Variants in ADAMTS6 observed in about 807,000 individuals in gnomAD.
The protein encoded by ADAMTS6 is A disintegrin and metalloproteinase with thrombospondin motifs 6.
Under a neutral mutation model 144.3 loss-of-function variants are expected in ADAMTS6, and 23 were observed. The observed-to-expected ratio is 0.16, with a 90% confidence interval of 0.11 to 0.23. The LOEUF (loss-of-function observed/expected upper bound fraction) is 0.23, where lower values mean the gene tolerates loss of function less well. Among genes scored for constraint, ADAMTS6 ranks in the 10% least tolerant of loss-of-function variants. The pLI, the probability that ADAMTS6 is intolerant of heterozygous loss-of-function variation, is 1.00. For missense variants in ADAMTS6, 999 were observed against 1,379.6 expected (o/e 0.72, Z 4.37); for synonymous variants, 444 against 457.5 (o/e 0.97, Z 0.38).
chr5:65,320,624 G>A (rs887449108), intron 9 of ADAMTS6, among the ~76,000 whole-genome samples: 2 of 151,650 alleles, frequency 1.3e-5, no homozygotes, highest in African/African-American at 4.8e-5. Flanking sequence ...TTGTGTCATG[G>A]GGGTCTGTTT....
intron 8 of ADAMTS6, among the ~76,000 whole-genome samples, chr5:65,333,615 T>C (rs1437301814): frequency 6.6e-6 from 1 of 151,910 alleles, no homozygotes; most frequent in Non-Finnish European, 1.5e-5. Context: ...GTTGTGTTTT[T>C]TTTTTCTTTC....
chr5:65,372,188 T>A (rs1462371581), intron 7 of ADAMTS6, among the ~76,000 whole-genome samples: 1 of 125,670 alleles, frequency 8.0e-6, no homozygotes, highest in African/African-American at 4.0e-5. Flanking sequence ...GTAAAGACCA[T>A]CTGCATCAAC....
chr5:65,404,152 T>G (rs547907266), intron 7 of ADAMTS6, among the ~76,000 whole-genome samples: 19 of 149,062 alleles, frequency 1.3e-4, no homozygotes, highest in South Asian at 6.4e-4. Flanking sequence ...ATTCACTTAG[T>G]TTTTTTTTTA....
intron 22 of ADAMTS6, among the ~76,000 whole-genome samples, chr5:65,179,185 T>C (rs1290634712): frequency 6.6e-6 from 1 of 152,234 alleles, no homozygotes; most frequent in Non-Finnish European, 1.5e-5. Flanking sequence ...GACTGAGGAC[T>C]GTTTCCAGTG....
At chr5:65,307,029 A>T (rs1187021512) in intron 9 of ADAMTS6, among the ~76,000 whole-genome samples, 1 of 152,162 alleles carries the variant, frequency 6.6e-6, no homozygotes, top group Non-Finnish European at 1.5e-5. Flanking sequence ...AATGTGGTTG[A>T]ACTGGTTAAT....
intron 9 of ADAMTS6, among the ~76,000 whole-genome samples, chr5:65,317,337 C>T (rs990471267): frequency 6.6e-6 from 1 of 152,162 alleles, no homozygotes; most frequent in Non-Finnish European, 1.5e-5. Flanking sequence ...CCAGGCCCAA[C>T]AAGGGCAGAT....
At chr5:65,332,304 TATATATATAGAGAG>T (rs1561433650) in intron 8 of ADAMTS6, among the ~76,000 whole-genome samples, 2 of 117,860 alleles carry the variant, frequency 1.7e-5, no homozygotes, top group Non-Finnish European at 3.8e-5. Context: ...TATATATATA[TATATATATAGAGAG>T]AGAGAGAGAG....
At chr5:65,395,453 G>A (rs970760504) in intron 7 of ADAMTS6, among the ~76,000 whole-genome samples, 1 of 152,150 alleles carries the variant, frequency 6.6e-6, no homozygotes, top group African/African-American at 2.4e-5. Flanking sequence ...CTTCTGAAAA[G>A]GAAAGTTAAC....
At chr5:65,208,831 T>C (rs375645948) in intron 20 of ADAMTS6, among the ~76,000 whole-genome samples, 2 of 152,286 alleles carry the variant, frequency 1.3e-5, no homozygotes, top group South Asian at 4.1e-4. Context: ...TGTCACTCTG[T>C]TTAGTGGGCA....
chr5:65,219,068 G>A (rs62369572), intron 18 of ADAMTS6, among the ~76,000 whole-genome samples: 46,184 of 151,758 alleles, frequency 0.3, 7,139 homozygotes, highest in African/African-American at 0.34. Flanking sequence ...ATGAAAGGAG[G>A]ATTAAACGGA....
intron 7 of ADAMTS6, among the ~76,000 whole-genome samples, chr5:65,347,166 C>G (rs886618395): frequency 1.3e-5 from 2 of 151,568 alleles, no homozygotes; most frequent in African/African-American, 4.8e-5. Flanking sequence ...AAATTTCCAA[C>G]GACATTTTTC....
chr5:65,231,615 A>G (rs1055036519), intron 15 of ADAMTS6, among the ~76,000 whole-genome samples: 2 of 152,158 alleles, frequency 1.3e-5, no homozygotes, highest in South Asian at 4.1e-4. Flanking sequence ...TCCAAGATAC[A>G]TACATGTTAG....
At chr5:65,457,598 G>A (rs1185156225) in intron 4 of ADAMTS6, among the ~76,000 whole-genome samples, 2 of 152,000 alleles carry the variant, frequency 1.3e-5, no homozygotes, top group African/African-American at 4.8e-5. Context: ...AAGCTTTTCA[G>A]AATATGATAA....
At chr5:65,431,155 T>G (rs2150216055) in intron 7 of ADAMTS6, among the ~76,000 whole-genome samples, 1 of 152,284 alleles carries the variant, frequency 6.6e-6, no homozygotes, top group African/African-American at 2.4e-5. Context: ...AATTATTTTT[T>G]AATAATTTCC....
chr5:65,274,274 CA>C (rs1486280801), intron 11 of ADAMTS6, among the ~76,000 whole-genome samples: 1 of 151,944 alleles, frequency 6.6e-6, no homozygotes, highest in Non-Finnish European at 1.5e-5. Context: ...CAACCGCCCC[CA>C]AAAAGCTTCC....
chr5:65,246,926 C>A lies in ADAMTS6; in HGVS notation c.1831-4720G>T, dbSNP rs567300184. Among the ~76,000 whole-genome samples the A allele has an allele frequency of 1.6e-4, 25 of 152,202 alleles. 1 individual carries two copies. The South Asian group carries it at 4.1e-3, about 25-fold the overall frequency. On this transcript the variant is annotated intron_variant, in intron 14 of 24. Transcript: ENST00000381055. The stretch of plus-strand genomic sequence containing the variant: ...AGAGGAATTCCTTAAGGAAAAATTA[C>A]GTAAAACACATTTTTGTTTTGTTTA...
chr5:65,302,297 A>G (rs932496509), intron 9 of ADAMTS6, among the ~76,000 whole-genome samples: 6 of 144,734 alleles, frequency 4.1e-5, no homozygotes, highest in Non-Finnish European at 9.0e-5. Context: ...ATTAATATAT[A>G]ATATATAATT....
At chr5:65,372,600 C>T (rs1751071662) in intron 7 of ADAMTS6, among the ~76,000 whole-genome samples, 1 of 151,420 alleles carries the variant, frequency 6.6e-6, no homozygotes, top group Admixed American at 6.6e-5. Context: ...CACCCAGATT[C>T]ATAAAGCAAG....
At position 65,361,105 on chromosome 5, in the gene ADAMTS6, A is replaced by C. The variant is rs1358927264; in HGVS notation, c.1074-27020T>G. On this transcript the variant is annotated intron_variant, in intron 7 of 24. Transcript: ENST00000381055. ...AGGACCAGTATGGAAGTGATTTAGC[A>C]GGCCAACTGAATATGAACCCCATAG... is the stretch of plus-strand genomic sequence containing the variant. 2.6e-5 allele frequency among the ~76,000 whole-genome samples: 4 copies of C among 152,226 alleles called. No individual in the cohort carries two copies. In the South Asian group the frequency reaches 8.3e-4, roughly 32 times the overall value.
Sources: allele counts gnomAD v4.1 joint callset (sites outside exome capture counted in the v4.1 genomes callset), GRCh38; gene constraint gnomAD v4.1.1; transcripts MANE v1.5; gene names NCBI Gene and HGNC (gene_info 2026-07-23, HGNC 2026-07-21).